The following SKAP1 variants were observed in gnomAD, a reference collection of about 807,000 sequenced individuals.
The protein encoded by SKAP1 is src kinase-associated phosphoprotein 1.
Under a neutral mutation model 58.5 loss-of-function variants are expected in SKAP1, and 44 were observed. The observed-to-expected ratio is 0.75, with a 90% confidence interval of 0.59 to 0.97. The LOEUF is 0.97. Among genes scored for constraint, SKAP1 ranks in the 50% least tolerant of loss-of-function variants. SKAP1 has a pLI of 0.00. For synonymous variants in SKAP1, 127 were observed against 149.7 expected (o/e 0.85, Z 1.11); for missense variants, 390 against 435.2 (o/e 0.90, Z 0.92).
At chr17:48,359,406 A>G (rs2066910747) in intron 3 of SKAP1, among the ~76,000 whole-genome samples, 1 of 152,218 alleles carries the variant, frequency 6.6e-6, no homozygotes, top group Non-Finnish European at 1.5e-5. Flanking sequence ...TTTCCTAATA[A>G]CATAAAATAA....
chr17:48,245,589 T>C (rs1357564153), intron 4 of SKAP1, among the ~76,000 whole-genome samples: 3 of 152,200 alleles, frequency 2.0e-5, no homozygotes, highest in Admixed American at 2.0e-4. Context: ...TTATAACAAA[T>C]GGGTTTGAAT....
At chr17:48,186,962 C>G (rs543838997) in intron 6 of SKAP1, among the ~76,000 whole-genome samples, 11 of 152,268 alleles carry the variant, frequency 7.2e-5, no homozygotes, top group Non-Finnish European at 1.5e-4. Flanking sequence ...GGCCTCTGTA[C>G]GAAGGTGCAC....
At chr17:48,159,571 T>C (rs1026567468) in intron 11 of SKAP1, among the ~76,000 whole-genome samples, 2 of 152,046 alleles carry the variant, frequency 1.3e-5, no homozygotes, top group African/African-American at 4.8e-5. Flanking sequence ...AGCTGCAGAG[T>C]GTAACGGACC....
intron 4 of SKAP1, among the ~76,000 whole-genome samples, chr17:48,192,195 C>G (rs754280765): frequency 4.6e-5 from 7 of 151,724 alleles, no homozygotes; most frequent in Non-Finnish European, 8.8e-5. Flanking sequence ...AAAAAAATTG[C>G]TCCTGGAGGC....
chr17:48,229,312 T>G (rs2065102175), intron 4 of SKAP1, among the ~76,000 whole-genome samples: 1 of 152,144 alleles, frequency 6.6e-6, no homozygotes, highest in Admixed American at 6.5e-5. Context: ...GTACTAAACC[T>G]TTTTTTGTCA....
intron 4 of SKAP1, among the ~76,000 whole-genome samples, chr17:48,208,793 G>C (rs2064837964): frequency 6.6e-6 from 1 of 152,180 alleles, no homozygotes; most frequent in Admixed American, 6.5e-5. Context: ...AATTCAATGT[G>C]TTTTTGTAAT....
At chr17:48,190,432 G>T (rs770164166) in intron 4 of SKAP1, among the ~76,000 whole-genome samples, 8 of 151,950 alleles carry the variant, frequency 5.3e-5, no homozygotes, top group Non-Finnish European at 1.2e-4. Context: ...ATTTTTTTGT[G>T]GATATAAGTT....
intron 11 of SKAP1, among the ~76,000 whole-genome samples, chr17:48,148,660 A>AT (rs1478514623): frequency 1.3e-5 from 2 of 152,176 alleles, no homozygotes; most frequent in Non-Finnish European, 2.9e-5. Context: ...TGCCTTTAAT[A>AT]TTCTCCTAAA....
chr17:48,442,995 C>T, the SKAP1 span, among the ~76,000 whole-genome samples: 4 of 152,182 alleles, frequency 2.6e-5, no homozygotes, highest in African/African-American at 9.7e-5. Context: ...CTTTACTCTC[C>T]ATCATCTTCA....
At chr17:48,237,067 T>C (rs1255215085) in intron 4 of SKAP1, among the ~76,000 whole-genome samples, 1 of 152,246 alleles carries the variant, frequency 6.6e-6, no homozygotes, top group Non-Finnish European at 1.5e-5. Flanking sequence ...GGTCATGAAG[T>C]TGGATTTGAA....
chr17:48,283,403 C>A (rs2144042836), intron 4 of SKAP1, among the ~76,000 whole-genome samples: 1 of 152,342 alleles, frequency 6.6e-6, no homozygotes, highest in African/African-American at 2.4e-5. Flanking sequence ...TGGAATCAGA[C>A]TGCATGGGTT....
At chr17:48,321,580 G>A (rs1002806973) in intron 4 of SKAP1, among the ~76,000 whole-genome samples, 8 of 151,994 alleles carry the variant, frequency 5.3e-5, no homozygotes, top group Admixed American at 3.3e-4. Flanking sequence ...GGGTTTCACC[G>A]TGTTAGCCAG....
chr17:48,238,901 C>A (rs905736920), intron 4 of SKAP1, among the ~76,000 whole-genome samples: 1 of 151,874 alleles, frequency 6.6e-6, no homozygotes, highest in Non-Finnish European at 1.5e-5. Context: ...TCAGAAAGAC[C>A]AAAATAATGG....
intron 4 of SKAP1, among the ~76,000 whole-genome samples, chr17:48,222,787 C>T (rs546500933): frequency 1.8e-4 from 27 of 150,960 alleles, no homozygotes; most frequent in Middle Eastern, 3.4e-3. Flanking sequence ...CTCTTAAGGC[C>T]GGGTGTGGTG....
intron 11 of SKAP1, among the ~76,000 whole-genome samples, chr17:48,147,235 T>C (rs370624761): frequency 3.1e-4 from 47 of 152,354 alleles, no homozygotes; most frequent in African/African-American, 1.1e-3. Flanking sequence ...ATGCTTGATA[T>C]ATGTATGGAA....
At chr17:48,200,018 G>A (rs1432972589) in intron 4 of SKAP1, among the ~76,000 whole-genome samples, 5 of 152,040 alleles carry the variant, frequency 3.3e-5, no homozygotes, top group African/African-American at 9.7e-5. Flanking sequence ...AGGCTGGCGC[G>A]GTGGCTTATG....
chr17:48,385,153 T>C (rs2067260350), intron 2 of SKAP1, among the ~76,000 whole-genome samples: 1 of 152,124 alleles, frequency 6.6e-6, no homozygotes, highest in Admixed American at 6.5e-5. Flanking sequence ...GACTTAACAG[T>C]AGCACCTGGC....
intron 4 of SKAP1, among the ~76,000 whole-genome samples, chr17:48,208,289 A>G (rs2064832736): frequency 6.6e-6 from 1 of 152,142 alleles, no homozygotes; most frequent in African/African-American, 2.4e-5. Flanking sequence ...GACCTCTACC[A>G]TTTGAAATGC....
In SKAP1 at chr17:48,180,233, G is replaced by T. The variant is rs1370565104; in HGVS notation, c.647C>A (p.Thr216Asn). 6.3e-7 allele frequency: 1 copy of T among 1,586,138 alleles called. No homozygotes were observed. Among genetic ancestry groups the T allele is most frequent in the Non-Finnish European group, 8.6e-7 (1 of 1,165,614 alleles). Reference protein sequence around the residue: ...SFLLKDLSSLTIPYEEDEEEE... With the variant: ...SFLLKDLSSLNIPYEEDEEEE... ...CTCCTCATCCTCTTCATATGGAATG[G>T]TTAAGGAGCTCAGATCTAACAAGGC... The change falls in exon 9 of 13, where the codon ACC becomes AAC. Residue 216 changes from threonine (T) to asparagine (N), a missense_variant. Transcript: ENST00000336915.
Sources: allele counts gnomAD v4.1 joint callset (sites outside exome capture counted in the v4.1 genomes callset), GRCh38; gene constraint gnomAD v4.1.1; transcripts MANE v1.5; gene names NCBI Gene and HGNC (gene_info 2026-07-23, HGNC 2026-07-21).